CHRNE: variants seen among roughly 807,000 people sequenced by gnomAD.
CHRNE encodes the protein acetylcholine receptor subunit epsilon.
A neutral mutation model predicts 56.5 loss-of-function variants in CHRNE; 58 were observed. That is an observed-to-expected ratio of 1.03 (90% confidence interval 0.83 to 1.28). CHRNE has a LOEUF of 1.28. Ranked by LOEUF, CHRNE falls within the 50% of genes most tolerant of loss-of-function variation. The pLI, the probability that CHRNE is intolerant of heterozygous loss-of-function variation, is 0.00. For synonymous variants in CHRNE, 385 were observed against 297.9 expected (o/e 1.29, Z -3.01); for missense variants, 793 against 688.9 (o/e 1.15, Z -1.69).
intron 8 of CHRNE, 63 bp downstream of exon 8, chr17:4,900,730 T>C: frequency 3.3e-6 from 5 of 1,534,020 alleles, no homozygotes; most frequent in Non-Finnish European, 3.6e-6. Flanking sequence ...CCGGGGTCTC[T>C]GGGTTTTGGC....
intron 8 of CHRNE, chr17:4,899,896 A>G (rs765978613): frequency 2.5e-5 from 39 of 1,547,922 alleles, no homozygotes; most frequent in Non-Finnish European, 3.1e-5. Context: ...CGCCCCTGTG[A>G]CCCCTGCCCT....
chr17:4,903,024 G>GCCCCAAGAGGAGCAGGA lies in CHRNE; in HGVS notation c.23_39dup (p.Leu14SerfsTer50), dbSNP rs762983789. The GCCCCAAGAGGAGCAGGA allele has an allele frequency of 6.2e-7, 1 of 1,614,050 alleles. No homozygotes were observed. Among genetic ancestry groups the GCCCCAAGAGGAGCAGGA allele is most frequent in the African/African-American group, 1.3e-5 (1 of 74,986 alleles). ...CTCTAGCCCCTGTCCGTACCGAGAAGCCCCAAGAGGAGCAGGACCCCAAGC... is the reference window on the plus strand; with the variant it reads ...CTCTAGCCCCTGTCCGTACCGAGAAGCCCCAAGAGGAGCAGGACCCCAAGAGGAGCAGGACCCCAAGC... On this transcript the variant is annotated frameshift_variant, in exon 1 of 12. Coordinates refer to ENST00000649488, the MANE Select transcript of CHRNE (RefSeq NM_000080.4). LOFTEE classifies it high-confidence loss of function.
chr17:4,899,854 C>T (rs1412043957), intron 8 of CHRNE: 1 of 1,550,414 alleles, frequency 6.4e-7, no homozygotes, highest in East Asian at 2.4e-5. Context: ...CCAAGGGCTG[C>T]ACCTCGAGAC....
At chr17:4,899,978 G>A (rs943551627) in intron 8 of CHRNE, 6 of 1,551,456 alleles carry the variant, frequency 3.9e-6, no homozygotes, top group South Asian at 1.2e-5. Flanking sequence ...GGAACTCTCC[G>A]TGGCCGCAGC....
chr17:4,905,877 A>C (rs1033660087), upstream of CHRNE, among the ~76,000 whole-genome samples: 2 of 152,038 alleles, frequency 1.3e-5, no homozygotes. Flanking sequence ...CAAAAAAATG[A>C]AGTTTCTCCT....
At position 4,899,248 on chromosome 17, in the gene CHRNE, C is replaced by T. The variant is rs568952207; in HGVS notation, c.1169G>A (p.Arg390Gln). Residue 390 changes from arginine (R) to glutamine (Q), a missense_variant, in exon 10 of 12, where the codon CGG becomes CAG. Transcript: ENST00000649488. ...RAEELILKKP[R>Q]SELVFEGQRH... is the part of the protein sequence containing the mutation. ...CTGCCCCTCAAACACGAGCTCGCTC[C>T]GTGGCTTTTTCAGTATCAGCTCCTC... is the stretch of plus-strand genomic sequence containing the variant. 6 of 1,606,630 alleles carry T rather than the reference C, an allele frequency of 3.7e-6. No individual in the cohort carries two copies. Among genetic ancestry groups the T allele is most frequent in the East Asian group, 2.2e-5 (1 of 44,718 alleles).
Position 4,902,979 on chromosome 17 carries a change from C to T in CHRNE, c.46+39G>A. 6.2e-7 allele frequency: 1 copy of T among 1,613,432 alleles called. No individual in the cohort carries two copies. The highest frequency in any genetic ancestry group is 8.5e-7 in the Non-Finnish European group (1 of 1,179,424). On this transcript the variant is annotated intron_variant, in intron 1 of 11. Transcript: ENST00000649488. This position sits in a 1 kb window ranked among gnomAD's most constrained non-coding sequence, Gnocchi z 4.0. ...CTTCCCAGTCCCTTCATGTCAGTAT[C>T]TGTGTGTGTCCAATTGCCCCTCTAG...
chr17:4,903,541 G>C (rs753880344), upstream of CHRNE, among the ~76,000 whole-genome samples: 2 of 152,124 alleles, frequency 1.3e-5, no homozygotes, highest in African/African-American at 4.8e-5. Flanking sequence ...CTTTCTTGCC[G>C]ACAGAGTGGC....
At chr17:4,905,147 A>T (rs1057024325), upstream of CHRNE, among the ~76,000 whole-genome samples, 16 of 152,368 alleles carry the variant, frequency 1.1e-4, no homozygotes, top group African/African-American at 3.8e-4. Context: ...AGGAGTTATC[A>T]TCTAATGACA....
intron 5 of CHRNE, 62 bp downstream of exon 5, chr17:4,901,870 C>CG: frequency 8.0e-6 from 11 of 1,375,236 alleles, no homozygotes; most frequent in Non-Finnish European, 1.1e-5. Context: ...TCCCGGTTGG[C>CG]CCCGCCCCAT....
chr17:4,899,888 C>T lies in CHRNE; in HGVS notation c.918-306G>A. 4 of 1,547,724 alleles carry T rather than the reference C, an allele frequency of 2.6e-6. No homozygotes were observed. The Admixed American group carries it at 5.9e-5, about 23-fold the overall frequency. On this transcript the variant is annotated intron_variant, in intron 8 of 11. Coordinates refer to ENST00000649488, the MANE Select transcript of CHRNE (RefSeq NM_000080.4). The stretch of plus-strand genomic sequence containing the variant: ...ACCTTCTGGGTAGGTCTCCTGTTCG[C>T]CCCTGTGACCCCTGCCCTGCTACTC...
chr17:4,905,212 G>C (rs895660862), upstream of CHRNE, among the ~76,000 whole-genome samples: 1 of 152,078 alleles, frequency 6.6e-6, no homozygotes, highest in Non-Finnish European at 1.5e-5. Flanking sequence ...AAATAAACAG[G>C]TGCTATAGAA....
chr17:4,898,185 GGGCAGTGCTGGGCCAAGAAAACCT>G lies in CHRNE; in HGVS notation c.*527_*550del, dbSNP rs1969782055. The G allele has an allele frequency of 5.6e-6, 1 of 179,898 alleles. No individual in the cohort carries two copies. The highest frequency in any genetic ancestry group is 1.4e-4 in the East Asian group (1 of 6,954). 11.1% of individuals were successfully genotyped at this position (179,898 alleles called of 1,614,324 possible). On this transcript the variant is annotated 3_prime_UTR_variant, in exon 12 of 12. Coordinates refer to ENST00000649488, the MANE Select transcript of CHRNE (RefSeq NM_000080.4). ...ATGAGTGAGCCTCATGGGGTGGGAT[GGGCAGTGCTGGGCCAAGAAAACCT>G]AGAAGAAATGACTGTGGAAGGGTCA...
chr17:4,899,964 C>T lies in CHRNE; in HGVS notation c.918-382G>A, dbSNP rs778803080. On this transcript the variant is annotated intron_variant, in intron 8 of 11. Transcript: ENST00000649488. Reference sequence around the variant, plus strand: ...GCCCTCCAGCCCCCGCTTCTGTCTTCCCTGGAACTCTCCGTGGCCGCAGCC... The same window carrying T: ...GCCCTCCAGCCCCCGCTTCTGTCTTTCCTGGAACTCTCCGTGGCCGCAGCC... 7 of 1,551,440 alleles carry T rather than the reference C, an allele frequency of 4.5e-6. No individual in the cohort carries two copies. The South Asian group carries it at 8.3e-5, about 18-fold the overall frequency.
upstream of CHRNE, among the ~76,000 whole-genome samples, chr17:4,905,324 G>T (rs554181626): frequency 6.6e-6 from 1 of 152,280 alleles, no homozygotes; most frequent in Admixed American, 6.5e-5. Context: ...TGAGGCTGGA[G>T]CATCACTTGA....
rs1567636354 is a variant in CHRNE at position 4,899,267 on chromosome 17, G to A, written c.1150C>T (p.Leu384=). 4 of 1,602,938 alleles carry A rather than the reference G, an allele frequency of 2.5e-6. No homozygotes were observed. In the South Asian group the frequency reaches 3.3e-5, roughly 13 times the overall value. The change falls in exon 10 of 12, where the codon CTG becomes TTG. Residue 384 remains leucine, a synonymous_variant. Coordinates refer to ENST00000649488, the MANE Select transcript of CHRNE (RefSeq NM_000080.4). ...TCGCTCCGTGGCTTTTTCAGTATCAGCTCCTCCGCGCGGAGCAATAAGCCC... is the reference window on the plus strand; with the variant it reads ...TCGCTCCGTGGCTTTTTCAGTATCAACTCCTCCGCGCGGAGCAATAAGCCC... The part of the protein sequence containing the change: ...SVGLLLRAEE[L]ILKKPRSELV...
rs149766604 is a variant in CHRNE at position 4,902,482 on chromosome 17, C to T, written c.202G>A (p.Glu68Lys). The change falls in exon 3 of 12, where the codon GAG (glutamate) becomes AAG (lysine). Residue 68 changes from glutamate to lysine, a missense_variant. Transcript: ENST00000649488. The surrounding 1 kb of genome is among the most constrained non-coding windows in gnomAD (Gnocchi z 4.0). ...ATCCAGACGCTAGTGGTGAGAGTCT[C>T]CTCTTTTTCATTCTGCAGATGGGAG... The part of the protein sequence containing the change: ...TNLISLNEKE[E>K]TLTTSVWIGI... The T allele has an allele frequency of 1.3e-5, 21 of 1,614,034 alleles. No homozygotes were observed. Among genetic ancestry groups the T allele is most frequent in the Non-Finnish European group, 1.8e-5 (21 of 1,180,028 alleles).
At chr17:4,901,873 C>CCCCCCCAAAG in intron 5 of CHRNE, 59 bp downstream of exon 5, 4 of 1,476,116 alleles carry the variant, frequency 2.7e-6, no homozygotes, top group Non-Finnish European at 3.8e-6. Context: ...CGGTTGGCCC[C>CCCCCCCAAAG]GCCCCATAAG....
At chr17:4,901,883 G>GC in intron 5 of CHRNE, 49 bp downstream of exon 5, 1 of 1,215,806 alleles carries the variant, frequency 8.2e-7, no homozygotes. Context: ...CGCCCCATAA[G>GC]GCCCCCCCCC....
Sources: gnomAD v4.1 joint callset for allele counts (sites outside exome capture counted in the v4.1 genomes callset) on GRCh38, gnomAD v4.1.1 for gene constraint, Gnocchi (gnomAD v3.1) non-coding constraint, MANE v1.5 for transcripts, NCBI Gene and HGNC (gene_info 2026-07-23, HGNC 2026-07-21) for gene names.